Variants in DGLUCY observed in about 807,000 individuals in gnomAD.
DGLUCY encodes D-glutamate cyclase, mitochondrial.
DGLUCY carries 58 observed loss-of-function variants against 58.5 expected under a neutral mutation model. The observed-to-expected ratio is 0.99, with a 90% CI of 0.80 to 1.23. The LOEUF is 1.23. Among genes scored for constraint, DGLUCY ranks in the 50% most tolerant of loss-of-function variants. The pLI, the probability that DGLUCY is intolerant of heterozygous loss-of-function variation, is 0.00. For synonymous variants in DGLUCY, 325 were observed against 314.1 expected (o/e 1.03, Z -0.37); for missense variants, 779 against 784.7 (o/e 0.99, Z 0.09).
rs200959400 is a variant in DGLUCY at position 91,068,071 on chromosome 14, ACGCG to A, written c.-82+7369_-82+7372del. 9.1e-5 allele frequency among the ~76,000 whole-genome samples: 5 copies of A among 54,662 alleles called. No homozygotes were observed. The Middle Eastern group carries it at 0.027, about 293-fold the overall frequency. The allele number at this position is 54,662 out of a possible 152,430, so 35.9% of individuals were successfully genotyped here. A position where few individuals can be genotyped will look rare whatever the true frequency, so the allele number is the denominator to read the frequency against. On this transcript the variant is annotated intron_variant, in intron 1 of 4. Coordinates refer to the DGLUCY transcript ENST00000521334. Reference sequence around the variant, plus strand: ...TGTACTGGCGCGTGCACACACACACACGCGCACGCACACACACACACACACACAC... The same window carrying A: ...TGTACTGGCGCGTGCACACACACACACACGCACACACACACACACACACAC...
At chr14:91,156,045 C>A (rs962471973) in intron 1 of DGLUCY, among the ~76,000 whole-genome samples, 25 of 151,988 alleles carry the variant, frequency 1.6e-4, no homozygotes, top group Non-Finnish European at 3.1e-4. Flanking sequence ...ATAGAGAATT[C>A]TCCACCTTGC....
chr14:91,176,337 A>T (rs149360175), intron 7 of DGLUCY, among the ~76,000 whole-genome samples: 177 of 152,144 alleles, frequency 1.2e-3, no homozygotes, highest in Middle Eastern at 3.4e-3. Flanking sequence ...GCGATTTTTC[A>T]GTCTCAGCCT....
chr14:91,093,162 GATC>G (rs1231900137), intron 1 of DGLUCY, among the ~76,000 whole-genome samples: 1 of 151,810 alleles, frequency 6.6e-6, no homozygotes, highest in African/African-American at 2.4e-5. Context: ...GAATTTATAT[GATC>G]ATAATGATTG....
chr14:91,142,937 G>A (rs1416175370), intron 1 of DGLUCY, among the ~76,000 whole-genome samples: 1 of 147,208 alleles, frequency 6.8e-6, no homozygotes, highest in Non-Finnish European at 1.5e-5. Flanking sequence ...GGCTGATGCA[G>A]GAGAATCACT....
At chr14:91,201,001 G>T (rs995308517) in intron 11 of DGLUCY, among the ~76,000 whole-genome samples, 1 of 151,866 alleles carries the variant, frequency 6.6e-6, no homozygotes, top group African/African-American at 2.4e-5. Context: ...GGTGGGGGAG[G>T]ATATTACAAA....
chr14:91,214,875 G>A (rs1205037992), intron 12 of DGLUCY, among the ~76,000 whole-genome samples: 2 of 152,116 alleles, frequency 1.3e-5, no homozygotes, highest in Non-Finnish European at 2.9e-5. Context: ...AATAGGCCAG[G>A]TGCAGTGGCT....
chr14:91,075,070 C>T (rs2043997797), intron 1 of DGLUCY, among the ~76,000 whole-genome samples: 1 of 127,776 alleles, frequency 7.8e-6, no homozygotes, highest in Non-Finnish European at 1.7e-5. Flanking sequence ...GAAACTCCGT[C>T]TCAAAAAAAA....
At chr14:91,153,272 T>A (rs2047421716) in intron 1 of DGLUCY, among the ~76,000 whole-genome samples, 1 of 152,176 alleles carries the variant, frequency 6.6e-6, no homozygotes, top group African/African-American at 2.4e-5. Context: ...AACCTCTGCC[T>A]CCCTGGTTCA....
At chr14:91,218,502 G>C (rs1042145894) in intron 13 of DGLUCY, among the ~76,000 whole-genome samples, 7 of 151,364 alleles carry the variant, frequency 4.6e-5, no homozygotes, top group Non-Finnish European at 1.0e-4. Context: ...TCCCAGGTTT[G>C]AGTGATTCTC....
intron 1 of DGLUCY, among the ~76,000 whole-genome samples, chr14:91,156,986 C>T (rs948588691): frequency 8.5e-5 from 13 of 152,188 alleles, no homozygotes; most frequent in African/African-American, 3.1e-4. Flanking sequence ...TGATTCCTAA[C>T]ACCACAAAAT....
Position 91,189,004 on chromosome 14 carries a change from G to A in DGLUCY, c.1029G>A (p.Gly343=), listed in dbSNP as rs1254501815. Residue 343 remains glycine (G), a synonymous_variant, in exon 9 of 14, where the codon GGG becomes GGA. Transcript: ENST00000256324. ...CCCGCTCAGTGCTCATCACCACTGG[G>A]TTCCCCACACATTTCAATCATGAGC... ...SHARSVLITT[G]FPTHFNHEPP... is the part of the protein sequence containing the mutation. The A allele has an allele frequency of 3.1e-6, 5 of 1,614,170 alleles. No individual in the cohort carries two copies. Among genetic ancestry groups the A allele is most frequent in the East Asian group, 2.2e-5 (1 of 44,880 alleles).
rs554731802 is a variant in DGLUCY at position 91,200,681 on chromosome 14, A to G, written c.1444+776A>G. The stretch of plus-strand genomic sequence containing the variant: ...AGCCTCCACCTCCTGGGCTCAAGCA[A>G]TCCTCCCATCTCAGCCTCCCAAGTA... On this transcript the variant is annotated intron_variant, in intron 11 of 13. Coordinates refer to ENST00000256324, the MANE Select transcript of DGLUCY (RefSeq NM_001102368.3). Among the ~76,000 whole-genome samples the G allele has an allele frequency of 2.0e-5, 3 of 152,062 alleles. No individual in the cohort carries two copies. In the South Asian group the frequency reaches 6.2e-4, roughly 32 times the overall value.
At chr14:91,180,831 G>A (rs1595857034) in intron 7 of DGLUCY, among the ~76,000 whole-genome samples, 1 of 152,194 alleles carries the variant, frequency 6.6e-6, no homozygotes, top group Non-Finnish European at 1.5e-5. Flanking sequence ...TTGCTGGAAA[G>A]CAAAGCAAGA....
At position 91,181,965 on chromosome 14, in the gene DGLUCY, T is replaced by TTTTATTTA. The variant is rs375449442; in HGVS notation, c.934+600_934+607dup. Among the ~76,000 whole-genome samples, 759 of 148,800 alleles carry TTTTATTTA rather than the reference T, an allele frequency of 5.1e-3. 9 individuals carry two copies. Among genetic ancestry groups the TTTTATTTA allele is most frequent in the African/African-American group, 0.016 (641 of 40,216 alleles). Reference sequence around the variant, plus strand: ...CAGCCTTGCTTTCTTCTTTATGGCTTTTTATTTATTTATTTATTTATTTAT... The same window carrying TTTTATTTA: ...CAGCCTTGCTTTCTTCTTTATGGCTTTTTATTTATTTATTTATTTATTTATTTATTTAT... On this transcript the variant is annotated intron_variant, in intron 8 of 13. Coordinates refer to ENST00000256324, the MANE Select transcript of DGLUCY (RefSeq NM_001102368.3).
In DGLUCY at chr14:91,114,231, G is replaced by C. The variant is rs2044770738; in HGVS notation, c.-134G>C. 1 of 152,344 alleles carries C rather than the reference G, an allele frequency of 6.6e-6. No homozygotes were observed. The highest frequency in any genetic ancestry group is 1.5e-5 in the Non-Finnish European group (1 of 68,168). 9.4% of individuals were successfully genotyped at this position (152,344 alleles called of 1,614,324 possible). A position where few individuals can be genotyped will look rare whatever the true frequency, so the allele number is the denominator to read the frequency against. On this transcript the variant is annotated 5_prime_UTR_variant, in exon 1 of 14. Transcript: ENST00000256324. ...GAAGCACACATTCTGCAAGGCCGTG[G>C]AAACAAAGGGAGGAACTGTTTGTAG...
At position 91,215,406 on chromosome 14, in the gene DGLUCY, T is replaced by C. The variant is rs200859829; in HGVS notation, c.1566T>C (p.Gly522=). 19 of 1,602,536 alleles carry C rather than the reference T, an allele frequency of 1.2e-5. No homozygotes were observed. The highest frequency in any genetic ancestry group is 1.6e-5 in the Non-Finnish European group (19 of 1,172,008). Residue 522 remains glycine (G), a splice_region_variant and synonymous_variant, in exon 13 of 14, where the codon GGT becomes GGC. Coordinates refer to ENST00000256324, the MANE Select transcript of DGLUCY (RefSeq NM_001102368.3). ...TGGAATCTTGTTTTGCTGTTCTAGGTGTTTCTAACTGGGGAGGCTATGCCC... is the reference window on the plus strand; with the variant it reads ...TGGAATCTTGTTTTGCTGTTCTAGGCGTTTCTAACTGGGGAGGCTATGCCC... ...DVEADFAVIA[G]VSNWGGYALA...
intron 13 of DGLUCY, chr14:91,223,800 G>T (rs1010459203): frequency 2.1e-6 from 2 of 943,784 alleles, no homozygotes; most frequent in Non-Finnish European, 2.9e-6. Flanking sequence ...TTGCTTGTAC[G>T]TAATCCTCAG....
At position 91,066,219 on chromosome 14, in the gene DGLUCY, A is replaced by T. The variant is rs188000056; in HGVS notation, c.-82+5515A>T. On this transcript the variant is annotated intron_variant, in intron 1 of 4. Coordinates refer to the DGLUCY transcript ENST00000521334. Reference sequence around the variant, plus strand: ...ATGGTGAAACCCTGTCTCTACTAAAAATAGAAAAATTAGCCGGGCCTGGTG... The same window carrying T: ...ATGGTGAAACCCTGTCTCTACTAAATATAGAAAAATTAGCCGGGCCTGGTG... Among the ~76,000 whole-genome samples, 486 of 152,056 alleles carry T rather than the reference A, an allele frequency of 3.2e-3. 4 individuals carry two copies. The highest frequency in any genetic ancestry group is 0.011 in the African/African-American group (473 of 41,486).
chr14:91,144,814 A>G (rs2046927906), intron 1 of DGLUCY, among the ~76,000 whole-genome samples: 1 of 152,158 alleles, frequency 6.6e-6, no homozygotes, highest in Non-Finnish European at 1.5e-5. Flanking sequence ...CACAAGCAGT[A>G]TATGATTGTA....
Sources: allele counts gnomAD v4.1 joint callset (sites outside exome capture counted in the v4.1 genomes callset), GRCh38; gene constraint gnomAD v4.1.1; transcripts MANE v1.5; gene names NCBI Gene and HGNC (gene_info 2026-07-23, HGNC 2026-07-21).